Variants in PLEKHA8 observed in about 807,000 individuals in gnomAD.
PLEKHA8 encodes the protein pleckstrin homology domain containing A8.
A neutral mutation model predicts 68.2 loss-of-function variants in PLEKHA8; 36 were observed. The ratio of observed to expected loss-of-function variants is 0.53; its 90% CI spans 0.40 to 0.70. The LOEUF (loss-of-function observed/expected upper bound fraction) is 0.70, where lower values mean the gene tolerates loss of function less well. PLEKHA8 is among the 30% of genes least tolerant of loss of function. PLEKHA8 has a pLI of 0.00. For synonymous variants in PLEKHA8, 211 were observed against 216.1 expected, an observed-to-expected ratio of 0.98 and a Z score of 0.20; for missense variants, 505 against 615.4, an observed-to-expected ratio of 0.82 and a Z score of 1.90.
rs1237068825 is a variant in PLEKHA8 at position 30,078,788 on chromosome 7, T to A, written c.*1T>A. On this transcript the variant is annotated 3_prime_UTR_variant, in exon 14 of 14. Coordinates refer to ENST00000449726, the MANE Select transcript of PLEKHA8 (RefSeq NM_001197026.2). ...GCTGGAATCTGATGAGGTGGTATGA[T>A]GGCTGCTGGGCAGCACCTCCTAACT... is the stretch of plus-strand genomic sequence containing the variant. The A allele has an allele frequency of 6.2e-7, 1 of 1,612,956 alleles. No individual in the cohort carries two copies. The highest frequency in any genetic ancestry group is 1.3e-5 in the African/African-American group (1 of 74,880).
intron 13 of PLEKHA8, among the ~76,000 whole-genome samples, chr7:30,102,406 C>G (rs1347623720): frequency 1.3e-5 from 2 of 152,204 alleles, no homozygotes; most frequent in South Asian, 2.1e-4. Flanking sequence ...TATGATCCAG[C>G]AATTCCACTC....
At chr7:30,076,769 A>G (rs190230587) in intron 13 of PLEKHA8, among the ~76,000 whole-genome samples, 19 of 152,282 alleles carry the variant, frequency 1.2e-4, no homozygotes, top group African/African-American at 4.1e-4. Flanking sequence ...TTTTCACCCT[A>G]TTACTCTCCA....
At chr7:30,109,132 C>G (rs540844329) in intron 13 of PLEKHA8, among the ~76,000 whole-genome samples, 1 of 152,162 alleles carries the variant, frequency 6.6e-6, no homozygotes, top group African/African-American at 2.4e-5. Flanking sequence ...CTCTCTTTCT[C>G]TCTCTCTATA....
chr7:30,068,579 G>C (rs1439522700), intron 12 of PLEKHA8, among the ~76,000 whole-genome samples: 1 of 152,020 alleles, frequency 6.6e-6, no homozygotes, highest in Non-Finnish European at 1.5e-5. Flanking sequence ...ATCAACTCCT[G>C]GGAGTTCTTT....
intron 13 of PLEKHA8, among the ~76,000 whole-genome samples, chr7:30,101,129 G>T (rs1795836245): frequency 6.6e-6 from 1 of 151,730 alleles, no homozygotes; most frequent in Non-Finnish European, 1.5e-5. Flanking sequence ...GGCAGAGATT[G>T]CAGTGAGCCG....
intron 9 of PLEKHA8, among the ~76,000 whole-genome samples, chr7:30,057,582 C>G (rs921912551): frequency 4.6e-5 from 7 of 151,912 alleles, no homozygotes; most frequent in African/African-American, 1.7e-4. Flanking sequence ...CCCAGCCTCC[C>G]AAGTAGCTGG....
intron 9 of PLEKHA8, among the ~76,000 whole-genome samples, chr7:30,059,852 C>CT (rs1358895986): frequency 3.9e-5 from 6 of 152,060 alleles, no homozygotes; most frequent in Non-Finnish European, 7.4e-5. Flanking sequence ...ATTTTAAAAC[C>CT]TAGAATATCT....
rs1795095919 is a variant in PLEKHA8 at position 30,084,497 on chromosome 7, A to G, written c.*5710A>G. Reference sequence around the variant, plus strand: ...GGACCAACCGATGAGCGACAGTTTCATGTTTAGATTTGTATTGTTTCTCTG... The same window carrying G: ...GGACCAACCGATGAGCGACAGTTTCGTGTTTAGATTTGTATTGTTTCTCTG... On this transcript the variant is annotated 3_prime_UTR_variant, in exon 14 of 14. Coordinates refer to ENST00000449726, the MANE Select transcript of PLEKHA8 (RefSeq NM_001197026.2). 3.0e-6 allele frequency: 3 copies of G among 985,174 alleles called. No homozygotes were observed. Among genetic ancestry groups the G allele is most frequent in the South Asian group, 4.7e-5 (1 of 21,288 alleles). 61.0% of individuals were successfully genotyped at this position (985,174 alleles called of 1,614,324 possible).
downstream of PLEKHA8, among the ~76,000 whole-genome samples, chr7:30,091,451 T>G (rs994067848): frequency 3.9e-5 from 6 of 152,196 alleles, no homozygotes; most frequent in Admixed American, 1.3e-4. Context: ...CAAGGTTCTT[T>G]AAAATTTCTA....
At chr7:30,056,206 G>A (rs1338974172) in intron 9 of PLEKHA8, among the ~76,000 whole-genome samples, 1 of 148,932 alleles carries the variant, frequency 6.7e-6, no homozygotes, top group Non-Finnish European at 1.5e-5. Flanking sequence ...GCCTCCAAAA[G>A]TGCTGGGATT....
At chr7:30,028,845 C>T (rs1025898545) in intron 1 of PLEKHA8, 43 bp downstream of exon 1, 2 of 1,250,054 alleles carry the variant, frequency 1.6e-6, no homozygotes, top group African/African-American at 3.1e-5. Flanking sequence ...GGGGCCGGTC[C>T]TTTGTCTGCG....
intron 3 of PLEKHA8, 22 bp downstream of exon 3, chr7:30,046,387 C>T: frequency 6.4e-7 from 1 of 1,550,468 alleles, no homozygotes; most frequent in Non-Finnish European, 8.7e-7. Flanking sequence ...TTGTCCTTTG[C>T]TGTGGAAACC....
At chr7:30,031,765 C>G (rs1443675643) in intron 1 of PLEKHA8, among the ~76,000 whole-genome samples, 1 of 152,166 alleles carries the variant, frequency 6.6e-6, no homozygotes, top group Non-Finnish European at 1.5e-5. Flanking sequence ...TTGTACTTCA[C>G]TAAATACTAT....
In PLEKHA8 at chr7:30,062,563, G is replaced by GA. The variant is rs1793522783; in HGVS notation, c.1230-109_1230-108insA. On this transcript the variant is annotated intron_variant, in intron 11 of 13. Coordinates refer to ENST00000449726, the MANE Select transcript of PLEKHA8 (RefSeq NM_001197026.2). ...TGCCATATGATTTGACCTATTCACT[G>GA]CTGTGCCTAAGATGTTACTGAAATG... 3 of 777,974 alleles carry GA rather than the reference G, an allele frequency of 3.9e-6. No individual in the cohort carries two copies. In the East Asian group the frequency reaches 8.0e-5, roughly 21 times the overall value. 48.2% of individuals were successfully genotyped at this position (777,974 alleles called of 1,614,324 possible). A position where few individuals can be genotyped will look rare whatever the true frequency, so the allele number is the denominator to read the frequency against.
chr7:30,050,413 CT>C lies in PLEKHA8; in HGVS notation c.598-18del, dbSNP rs1792313415. Reference sequence around the variant, plus strand: ...TTCAAAGTTTAACATGTGAACTTTCCTTTCTTTGCTTCTTTTAAAGATGAAA... The same window carrying C: ...TTCAAAGTTTAACATGTGAACTTTCCTTCTTTGCTTCTTTTAAAGATGAAA... On this transcript the variant is annotated intron_variant, in intron 5 of 13. Transcript: ENST00000449726. 6.4e-7 allele frequency: 1 copy of C among 1,564,476 alleles called. No homozygotes were observed. Among genetic ancestry groups the C allele is most frequent in the Non-Finnish European group, 8.6e-7 (1 of 1,156,682 alleles).
chr7:30,041,814 G>T (rs77871572), intron 1 of PLEKHA8, among the ~76,000 whole-genome samples: 1 of 151,954 alleles, frequency 6.6e-6, no homozygotes, highest in Non-Finnish European at 1.5e-5. Context: ...TCAGTTTTAG[G>T]ACACTCTTTT....
chr7:30,115,712 A>ATG (rs1796440120), intron 13 of PLEKHA8: 1 of 116,138 alleles, frequency 8.6e-6, no homozygotes, highest in Non-Finnish European at 1.9e-5. Context: ...ATGTATACAT[A>ATG]CGCGCATGCA....
rs529185535 is a variant in PLEKHA8, at chr7:30,102,430, C to G, written c.1363-26836C>G. Among the ~76,000 whole-genome samples the G allele has an allele frequency of 5.9e-5, 9 of 152,226 alleles. No individual in the cohort carries two copies. The South Asian group carries it at 1.9e-3, about 32-fold the overall frequency. On this transcript the variant is annotated intron_variant, in intron 13 of 13. Transcript: ENST00000396257. ...GCAATTCCACTCCTAGGTATAGACT[C>G]GAGGAAATTAAAAGCAGAGACTTGA...
chr7:30,056,289 T>TCG (rs1435550453), intron 9 of PLEKHA8, among the ~76,000 whole-genome samples: 4 of 77,816 alleles, frequency 5.1e-5, no homozygotes, highest in African/African-American at 1.6e-4. Flanking sequence ...TCTCTCTCTC[T>TCG]CTCTCTCTCT....
Sources: allele counts gnomAD v4.1 joint callset (sites outside exome capture counted in the v4.1 genomes callset), GRCh38; gene constraint gnomAD v4.1.1; transcripts MANE v1.5; gene names NCBI Gene and HGNC (gene_info 2026-07-23, HGNC 2026-07-21).